ZMYM2: variants seen among roughly 807,000 people sequenced by gnomAD.
The protein encoded by ZMYM2 is zinc finger MYM-type containing 2, also known as zinc finger MYM-type protein 2.
Under a neutral mutation model 162.8 loss-of-function variants are expected in ZMYM2, and 56 were observed. That is an observed-to-expected ratio of 0.34 (90% confidence interval 0.28 to 0.43). The LOEUF (loss-of-function observed/expected upper bound fraction) is 0.43, where lower values mean the gene tolerates loss of function less well. ZMYM2 is among the 20% of genes least tolerant of loss of function. The pLI, the probability that ZMYM2 is intolerant of heterozygous loss-of-function variation, is 1.00. For synonymous variants in ZMYM2, 510 were observed against 541.6 expected, an observed-to-expected ratio of 0.94 and a Z score of 0.81; for missense variants, 1,275 against 1,621.8, an observed-to-expected ratio of 0.79 and a Z score of 3.67.
At chr13:19,951,374 G>A in the ZMYM2 span, among the ~76,000 whole-genome samples, 7 of 151,928 alleles carry the variant, frequency 4.6e-5, no homozygotes, top group Admixed American at 2.6e-4. Context: ...AACTCAATAG[G>A]AAGAAAGCAA....
chr13:19,937,188 G>C, the ZMYM2 span, among the ~76,000 whole-genome samples: 4 of 149,442 alleles, frequency 2.7e-5, no homozygotes, highest in East Asian at 3.9e-4. Context: ...TGTTCTTGTC[G>C]CCCAGGCTGG....
chr13:20,039,153 A>C (rs1954002130), intron 12 of ZMYM2, among the ~76,000 whole-genome samples: 1 of 152,180 alleles, frequency 6.6e-6, no homozygotes, highest in Admixed American at 6.5e-5. Context: ...GTGGTTTATC[A>C]GCTGAGGGAA....
At chr13:20,055,985 G>A (rs1056819362) in intron 14 of ZMYM2, among the ~76,000 whole-genome samples, 3 of 152,114 alleles carry the variant, frequency 2.0e-5, no homozygotes, top group Admixed American at 6.6e-5. Flanking sequence ...GAATACCTAC[G>A]AAGTGTTATA....
At chr13:19,992,768 AGGTGGT>A (rs527642051) in intron 2 of ZMYM2, among the ~76,000 whole-genome samples, 2 of 151,280 alleles carry the variant, frequency 1.3e-5, no homozygotes, top group Admixed American at 1.3e-4. Context: ...CCCTGAAAGG[AGGTGGT>A]GGTGGTGGTA....
chr13:20,085,233 T>A (rs763952531), intron 24 of ZMYM2, among the ~76,000 whole-genome samples: 1 of 152,146 alleles, frequency 6.6e-6, no homozygotes, highest in East Asian at 1.9e-4. Context: ...GCAAAGAGTT[T>A]CAGATTTTGG....
chr13:19,944,374 T>C, the ZMYM2 span, among the ~76,000 whole-genome samples: 4 of 152,192 alleles, frequency 2.6e-5, no homozygotes, highest in Admixed American at 1.3e-4. Context: ...TAATGAGTAA[T>C]ACAGTTTAAA....
At chr13:19,951,858 C>T in the ZMYM2 span, among the ~76,000 whole-genome samples, 2 of 152,074 alleles carry the variant, frequency 1.3e-5, no homozygotes, top group South Asian at 2.1e-4. Flanking sequence ...AATTGACTAC[C>T]ATGTGATCCA....
At chr13:20,073,505 A>G (rs969384891) in intron 21 of ZMYM2, among the ~76,000 whole-genome samples, 1 of 152,134 alleles carries the variant, frequency 6.6e-6, no homozygotes, top group African/African-American at 2.4e-5. Flanking sequence ...TCTGAGTTGT[A>G]TTATTTCCTT....
the ZMYM2 span, among the ~76,000 whole-genome samples, chr13:19,917,825 G>A: frequency 3.3e-5 from 5 of 152,028 alleles, no homozygotes; most frequent in East Asian, 7.8e-4. Context: ...TTTAGAGGCC[G>A]AGGCAGGTGG....
At chr13:19,910,152 G>A in the ZMYM2 span, among the ~76,000 whole-genome samples, 5 of 151,956 alleles carry the variant, frequency 3.3e-5, no homozygotes, top group Admixed American at 2.0e-4. Flanking sequence ...GCGTGAACCC[G>A]GGAGGCGGAG....
intron 6 of ZMYM2, among the ~76,000 whole-genome samples, chr13:20,010,096 T>A (rs1177933294): frequency 6.6e-6 from 1 of 152,236 alleles, no homozygotes; most frequent in Non-Finnish European, 1.5e-5. Flanking sequence ...AGCTTTTGAT[T>A]TTTCTTGTAG....
At chr13:19,866,879 A>ATCTGG in the ZMYM2 span, among the ~76,000 whole-genome samples, 1 of 152,108 alleles carries the variant, frequency 6.6e-6, no homozygotes, top group Non-Finnish European at 1.5e-5. Context: ...CTGGGTGCAG[A>ATCTGG]GTGAGACCCT....
the ZMYM2 span, among the ~76,000 whole-genome samples, chr13:19,903,709 A>ATGAT: frequency 6.6e-6 from 1 of 151,570 alleles, no homozygotes; most frequent in Non-Finnish European, 1.5e-5. Context: ...TTAGCCAGGC[A>ATGAT]TGATGGCTTG....
At chr13:20,029,417 T>G (rs749469942) in intron 9 of ZMYM2, among the ~76,000 whole-genome samples, 10 of 152,250 alleles carry the variant, frequency 6.6e-5, no homozygotes, top group Non-Finnish European at 1.3e-4. Context: ...ACACCAACAT[T>G]CAGACTGTAG....
intron 12 of ZMYM2, among the ~76,000 whole-genome samples, chr13:20,039,344 T>TG (rs1954017340): frequency 6.6e-6 from 1 of 152,180 alleles, no homozygotes; most frequent in Non-Finnish European, 1.5e-5. Flanking sequence ...ATCCTTGTCT[T>TG]ACACCAGTTT....
the ZMYM2 span, among the ~76,000 whole-genome samples, chr13:19,925,140 T>TC: frequency 6.6e-6 from 1 of 152,200 alleles, no homozygotes; most frequent in Non-Finnish European, 1.5e-5. Context: ...TGCCTTGGCC[T>TC]CCCAAAGTGC....
chr13:19,918,104 A>G, the ZMYM2 span, among the ~76,000 whole-genome samples: 2 of 152,082 alleles, frequency 1.3e-5, no homozygotes, highest in Non-Finnish European at 2.9e-5. Context: ...TAAAGGTGAT[A>G]ATATCTCCAC....
chr13:20,005,875 GT>G (rs1435108900), intron 5 of ZMYM2, among the ~76,000 whole-genome samples: 1 of 151,930 alleles, frequency 6.6e-6, no homozygotes, highest in Non-Finnish European at 1.5e-5. Flanking sequence ...TCACTGATGG[GT>G]TTTTTTCTTT....
chr13:20,080,723 C>G (rs1957856124), intron 21 of ZMYM2, among the ~76,000 whole-genome samples: 1 of 152,164 alleles, frequency 6.6e-6, no homozygotes. Context: ...CTCCTGAGCT[C>G]AAGCTGTCTG....
Sources: gnomAD v4.1 joint callset for allele counts (sites outside exome capture counted in the v4.1 genomes callset) on GRCh38, gnomAD v4.1.1 for gene constraint, MANE v1.5 for transcripts, NCBI Gene and HGNC (gene_info 2026-07-23, HGNC 2026-07-21) for gene names.